SULF2: variants seen among roughly 807,000 people sequenced by gnomAD.
SULF2 encodes extracellular sulfatase Sulf-2.
A neutral mutation model predicts 107.7 loss-of-function variants in SULF2; 52 were observed. The ratio of observed to expected loss-of-function variants is 0.48; its 90% CI spans 0.39 to 0.61. The LOEUF (loss-of-function observed/expected upper bound fraction) is 0.61. SULF2 is among the 20% of genes least tolerant of loss of function. The pLI, the probability that SULF2 is intolerant of heterozygous loss-of-function variation, is 0.00. For missense variants in SULF2, 993 were observed against 1,177.3 expected (o/e 0.84, Z 2.29); for synonymous variants, 460 against 464.3 (o/e 0.99, Z 0.12).
intron 3 of SULF2, among the ~76,000 whole-genome samples, chr20:47,703,161 TG>T (rs1375759481): frequency 6.6e-6 from 1 of 152,092 alleles, no homozygotes; most frequent in Non-Finnish European, 1.5e-5. Context: ...CTGACCAAAG[TG>T]TTGGGATTAC....
chr20:47,681,149 G>A (rs1297751288), intron 7 of SULF2, among the ~76,000 whole-genome samples: 2 of 152,176 alleles, frequency 1.3e-5, no homozygotes, highest in African/African-American at 4.8e-5. Context: ...GGCGGAAGTG[G>A]GACTGAGAGA....
intron 4 of SULF2, among the ~76,000 whole-genome samples, chr20:47,695,715 G>A (rs191573287): frequency 2.8e-3 from 424 of 152,326 alleles, no homozygotes; most frequent in Non-Finnish European, 4.3e-3. Context: ...CTGGGTTCAA[G>A]CGATTCTCCT....
At chr20:47,726,455 T>C (rs1326688276) in intron 3 of SULF2, among the ~76,000 whole-genome samples, 1 of 151,960 alleles carries the variant, frequency 6.6e-6, no homozygotes, top group Non-Finnish European at 1.5e-5. Context: ...CCTCAAGAGA[T>C]CCTCCTGCCT....
Position 47,672,223 on chromosome 20 carries a change from T to A in SULF2, c.1551A>T (p.Gly517=), listed in dbSNP as rs2087499720. The change falls in exon 11 of 21, where the codon GGA becomes GGT. Residue 517 remains glycine, a synonymous_variant. Coordinates refer to ENST00000688720, the MANE Select transcript of SULF2 (RefSeq NM_001387048.1). ...TCTTCTTGAAGAGTTTTTTCCGGCG[T>A]CCGGCCAGGCTGAGCTTGTAGTCCC... The part of the protein sequence containing the change: ...DSGDYKLSLA[G]RRKKLFKKKY... The A allele has an allele frequency of 1.2e-6, 2 of 1,610,140 alleles. No homozygotes were observed. The highest frequency in any genetic ancestry group is 1.7e-6 in the Non-Finnish European group (2 of 1,177,078).
intron 3 of SULF2, among the ~76,000 whole-genome samples, chr20:47,705,137 G>T (rs1317912712): frequency 6.6e-6 from 1 of 152,200 alleles, no homozygotes; most frequent in Non-Finnish European, 1.5e-5. Context: ...TGCCCATCAT[G>T]CAGGGCCGGG....
intron 11 of SULF2, among the ~76,000 whole-genome samples, chr20:47,667,883 C>T (rs1362048444): frequency 6.6e-6 from 1 of 152,148 alleles, no homozygotes; most frequent in Non-Finnish European, 1.5e-5. Flanking sequence ...GGTGCCACCC[C>T]CACTCTTGGG....
chr20:47,698,631 G>A (rs574431938), intron 4 of SULF2, among the ~76,000 whole-genome samples: 3 of 152,128 alleles, frequency 2.0e-5, no homozygotes, highest in Admixed American at 6.5e-5. Flanking sequence ...TACCCCTATA[G>A]CTGGTTTTCA....
At chr20:47,769,191 C>A (rs971023877) in intron 1 of SULF2, among the ~76,000 whole-genome samples, 1 of 152,072 alleles carries the variant, frequency 6.6e-6, no homozygotes, top group African/African-American at 2.4e-5. Flanking sequence ...CAGGTGCCCA[C>A]CACCACGCCC....
Position 47,765,371 on chromosome 20 carries a change from C to CAA in SULF2, c.-100-7910_-100-7909dup, listed in dbSNP as rs11478422. Among the ~76,000 whole-genome samples the CAA allele has an allele frequency of 1.7e-3, 237 of 138,302 alleles. 2 individuals carry two copies. In the East Asian group the frequency reaches 0.024, roughly 14 times the overall value. 90.7% of individuals were successfully genotyped at this position (138,302 alleles called of 152,430 possible). ...TGCCTTAAAAAAAAACAAAACAAAA[C>CAA]AAAAAAAAAAAAACAGGAGAGAGAA... On this transcript the variant is annotated intron_variant, in intron 1 of 20. Transcript: ENST00000688720.
chr20:47,737,567 C>A (rs1284870100), intron 2 of SULF2, among the ~76,000 whole-genome samples: 1 of 151,862 alleles, frequency 6.6e-6, no homozygotes, highest in Non-Finnish European at 1.5e-5. Flanking sequence ...CACTTTTCTT[C>A]GAGCCTGGAA....
At chr20:47,728,070 G>A (rs2089492863) in intron 3 of SULF2, among the ~76,000 whole-genome samples, 3 of 152,196 alleles carry the variant, frequency 2.0e-5, no homozygotes, top group South Asian at 4.1e-4. Context: ...TCGCTGCAGA[G>A]AGACAGGAAG....
chr20:47,755,553 C>T (rs1279501324), intron 2 of SULF2, among the ~76,000 whole-genome samples: 1 of 152,116 alleles, frequency 6.6e-6, no homozygotes, highest in Non-Finnish European at 1.5e-5. Flanking sequence ...ACCCACATAC[C>T]TAACCCATTG....
intron 2 of SULF2, among the ~76,000 whole-genome samples, chr20:47,752,839 C>T (rs561275684): frequency 2.6e-5 from 4 of 152,214 alleles, no homozygotes; most frequent in Middle Eastern, 3.4e-3. Flanking sequence ...TGGTGGCTCA[C>T]GCCTGCGATC....
In SULF2 at chr20:47,680,481, T is replaced by C. The variant is rs1156505781; in HGVS notation, c.1065-1677A>G. The stretch of plus-strand genomic sequence containing the variant: ...GCCCAGCACAGGACCCAGGACCTGT[T>C]GAATGGTGGACAGTCCCGTCAGAGC... On this transcript the variant is annotated intron_variant, in intron 7 of 20. Transcript: ENST00000688720. The surrounding 1 kb of genome is among the most constrained non-coding windows in gnomAD (Gnocchi z 4.2). Among the ~76,000 whole-genome samples, 1 of 152,190 alleles carries C rather than the reference T, an allele frequency of 6.6e-6. No homozygotes were observed. The highest frequency in any genetic ancestry group is 1.5e-5 in the Non-Finnish European group (1 of 68,006).
chr20:47,728,519 G>A (rs2089508601), intron 3 of SULF2, among the ~76,000 whole-genome samples: 1 of 152,110 alleles, frequency 6.6e-6, no homozygotes, highest in Non-Finnish European at 1.5e-5. Context: ...GGGACAGAAT[G>A]TGGAGACTTA....
At position 47,665,245 on chromosome 20, in the gene SULF2, G is replaced by A; in HGVS notation, c.1951C>T (p.His651Tyr). ...KIKNLREVRG[H>Y]LKKKRPEECD... ...TCTTCTGGCCGCTTTTTCTTCAGGT[G>A]ACCTCGGACTTCCCTCAGGTTCTTA... Residue 651 changes from histidine (H) to tyrosine (Y), a missense_variant, in exon 14 of 21, where the codon CAC (histidine) becomes TAC (tyrosine). His to Tyr is a moderately conservative substitution (Grantham distance 83). This residue lies in a region of SULF2 where 497 missense variants were observed against 544.1 expected (regional missense o/e 0.91). Transcript: ENST00000688720. 1 of 1,614,070 alleles carries A rather than the reference G, an allele frequency of 6.2e-7. No homozygotes were observed. The highest frequency in any genetic ancestry group is 8.5e-7 in the Non-Finnish European group (1 of 1,179,944).
chr20:47,672,189 GA>G lies in SULF2; in HGVS notation c.1576+8del. 6.3e-7 allele frequency: 1 copy of G among 1,597,620 alleles called. No homozygotes were observed. Among genetic ancestry groups the G allele is most frequent in the East Asian group, 2.2e-5 (1 of 44,482 alleles). On this transcript the variant is annotated splice_region_variant and intron_variant, in intron 11 of 20. Transcript: ENST00000688720. The stretch of plus-strand genomic sequence containing the variant: ...CTCCTGTCCCACTCAGCCAGGTTGT[GA>G]CACTTACTCTTCTTGAAGAGTTTTT...
intron 3 of SULF2, among the ~76,000 whole-genome samples, chr20:47,736,146 C>T (rs1600608227): frequency 6.6e-6 from 1 of 152,246 alleles, no homozygotes; most frequent in East Asian, 1.9e-4. Flanking sequence ...CCAAAGACCT[C>T]CTGAAGGATA....
intron 4 of SULF2, among the ~76,000 whole-genome samples, chr20:47,695,964 A>AAGAGTAT (rs2088362380): frequency 2.0e-5 from 3 of 152,198 alleles, no homozygotes; most frequent in Non-Finnish European, 4.4e-5. Flanking sequence ...ATACCATGTG[A>AAGAGTAT]AAAATGCTCT....
Sources: allele counts gnomAD v4.1 joint callset (sites outside exome capture counted in the v4.1 genomes callset), GRCh38; gene constraint gnomAD v4.1.1; regional missense constraint gnomAD v4.1.1; non-coding constraint Gnocchi (gnomAD v3.1); transcripts MANE v1.5; gene names NCBI Gene and HGNC (gene_info 2026-07-23, HGNC 2026-07-21).